TRPM1: variants seen among roughly 807,000 people sequenced by gnomAD.
The protein encoded by TRPM1 is TRPM1-203 APA Isoform, Intron 10.
In TRPM1, 113 loss-of-function variants were observed where a neutral mutation model predicts 149.4. The ratio of observed to expected loss-of-function variants is 0.76; its 90% CI spans 0.65 to 0.88. The LOEUF (loss-of-function observed/expected upper bound fraction) is 0.88, where lower values mean the gene tolerates loss of function less well. Among genes scored for constraint, TRPM1 ranks in the 40% least tolerant of loss-of-function variants. TRPM1 has a pLI of 0.00. For missense variants in TRPM1, 1,976 were observed against 2,038.7 expected (o/e 0.97, Z 0.59); for synonymous variants, 741 against 759.5 (o/e 0.98, Z 0.40).
At chr15:31,055,990 G>A (rs2034073603) in intron 11 of TRPM1, among the ~76,000 whole-genome samples, 1 of 152,206 alleles carries the variant, frequency 6.6e-6, no homozygotes. Flanking sequence ...TATTGCATCT[G>A]TGAGATGAAA....
chr15:31,088,320 C>G (rs141917074), intron 1 of TRPM1, among the ~76,000 whole-genome samples: 1 of 152,214 alleles, frequency 6.6e-6, no homozygotes, highest in Non-Finnish European at 1.5e-5. Flanking sequence ...CCTGGCAATC[C>G]GCTCGGGTCT....
At chr15:31,065,230 G>A (rs2034338258) in intron 7 of TRPM1, 1 of 466,372 alleles carries the variant, frequency 2.1e-6, no homozygotes, top group Non-Finnish European at 4.4e-6. Context: ...TATTCTTCGA[G>A]ATCTGATTCT....
intron 27 of TRPM1, among the ~76,000 whole-genome samples, chr15:31,004,135 A>T (rs2031891159): frequency 6.6e-6 from 1 of 152,092 alleles, no homozygotes; most frequent in African/African-American, 2.4e-5. Flanking sequence ...TGATTCCATT[A>T]TTCTTTTATT....
At chr15:31,113,532 TTTTC>T (rs1344159536) in intron 1 of TRPM1, among the ~76,000 whole-genome samples, 1 of 151,680 alleles carries the variant, frequency 6.6e-6, no homozygotes, top group African/African-American at 2.4e-5. Context: ...CAAAAAACAT[TTTTC>T]TTTGTACTCC....
intron 1 of TRPM1, among the ~76,000 whole-genome samples, chr15:31,093,717 T>C (rs2035303430): frequency 6.6e-6 from 1 of 152,006 alleles, no homozygotes; most frequent in South Asian, 2.1e-4. Flanking sequence ...TTCTTGTGCC[T>C]CAGCCTCTGG....
At chr15:31,140,059 A>T (rs987509919) in intron 1 of TRPM1, among the ~76,000 whole-genome samples, 3 of 152,040 alleles carry the variant, frequency 2.0e-5, no homozygotes, top group African/African-American at 7.2e-5. Flanking sequence ...TTGGCCCTCT[A>T]AACCTCATGT....
chr15:31,077,930 T>C (rs1174625954), intron 2 of TRPM1, among the ~76,000 whole-genome samples: 1 of 151,974 alleles, frequency 6.6e-6, no homozygotes, highest in African/African-American at 2.4e-5. Flanking sequence ...GTGTGTTGTG[T>C]GCATGACTAT....
At chr15:31,133,860 G>A (rs2036053507) in intron 1 of TRPM1, among the ~76,000 whole-genome samples, 1 of 152,180 alleles carries the variant, frequency 6.6e-6, no homozygotes, top group Admixed American at 6.6e-5. Context: ...GCCCTCTGGA[G>A]CTTTTCCTCA....
rs749958791 is a variant in TRPM1 at position 31,029,360 on chromosome 15, T to C, written c.3148+11A>G. On this transcript the variant is annotated intron_variant, in intron 24 of 27. Transcript: ENST00000256552. ...CCATAGACTAGAATAATCAATTCCA[T>C]GTAAACTTACGATTAATTTCCATGG... 1.9e-6 allele frequency: 3 copies of C among 1,613,446 alleles called. No individual in the cohort carries two copies. Among genetic ancestry groups the C allele is most frequent in the Admixed American group, 3.3e-5 (2 of 60,014 alleles).
At chr15:31,066,952 G>C in intron 6 of TRPM1, 111 bp downstream of exon 6, 1 of 1,410,998 alleles carries the variant, frequency 7.1e-7, no homozygotes, top group Admixed American at 1.8e-5. Context: ...AATGGGAAAG[G>C]CTGCAAGGGA....
At position 31,040,153 on chromosome 15, in the gene TRPM1, C is replaced by G. The variant is rs1567011933; in HGVS notation, c.2281G>C (p.Gly761Arg). Residue 761 changes from glycine (G) to arginine (R), a missense_variant, in exon 18 of 28, where the codon GGA (glycine) becomes CGA (arginine). Coordinates refer to ENST00000256552, the MANE Select transcript of TRPM1 (RefSeq NM_001252024.2). This position sits in a 1 kb window ranked among gnomAD's most constrained non-coding sequence, Gnocchi z 4.2. Reference protein sequence around the residue: ...SQMLLTDMWMGRLRMRKNPGL... With the variant: ...SQMLLTDMWMRRLRMRKNPGL... Reference sequence around the variant, plus strand: ...GGGTTCTTCCGCATCCGCAGTCTTCCCATCCACATATCGGTCAGCAGCATC... The same window carrying G: ...GGGTTCTTCCGCATCCGCAGTCTTCGCATCCACATATCGGTCAGCAGCATC... 9 of 1,614,240 alleles carry G rather than the reference C, an allele frequency of 5.6e-6. No homozygotes were observed. Among genetic ancestry groups the G allele is most frequent in the Non-Finnish European group, 7.6e-6 (9 of 1,180,040 alleles).
intron 19 of TRPM1, 101 bp from the exon 20 acceptor site, chr15:31,037,943 A>C (rs768068765): frequency 6.2e-7 from 1 of 1,611,740 alleles, no homozygotes; most frequent in Non-Finnish European, 8.5e-7. Context: ...TTCCAAAAAT[A>C]CCTTTAACCA....
At chr15:31,050,964 G>A (rs753641650) in intron 11 of TRPM1, among the ~76,000 whole-genome samples, 2 of 152,206 alleles carry the variant, frequency 1.3e-5, no homozygotes, top group Non-Finnish European at 2.9e-5. Context: ...AGAGTTCAAA[G>A]GCACCAAAGA....
chr15:31,089,320 GGTT>G (rs144796624), intron 1 of TRPM1, among the ~76,000 whole-genome samples: 14,503 of 150,206 alleles, frequency 0.097, 798 homozygotes, highest in Non-Finnish European at 0.12. Context: ...ATGTTTTTTT[GGTT>G]GTTAACTTTT....
At chr15:31,069,528 C>CGTAT in intron 4 of TRPM1, 1 of 1,138,942 alleles carries the variant, frequency 8.8e-7, no homozygotes, top group Admixed American at 4.3e-5. Context: ...GAAGCCTCCC[C>CGTAT]CACGCTGGCA....
intron 1 of TRPM1, among the ~76,000 whole-genome samples, chr15:31,151,953 C>A (rs2036309047): frequency 6.6e-6 from 1 of 152,208 alleles, no homozygotes. Flanking sequence ...AACAAGGAAT[C>A]CAAGAGAACG....
At chr15:31,111,133 C>A (rs1230549766) in intron 1 of TRPM1, among the ~76,000 whole-genome samples, 1 of 152,100 alleles carries the variant, frequency 6.6e-6, no homozygotes, top group Non-Finnish European at 1.5e-5. Context: ...TAGCTGTAAA[C>A]CTGGTTGGTC....
chr15:31,158,937 G>C (rs981270728), intron 1 of TRPM1, among the ~76,000 whole-genome samples: 1 of 152,032 alleles, frequency 6.6e-6, no homozygotes, highest in African/African-American at 2.4e-5. Context: ...TTAATTTGTT[G>C]CCATAACTGT....
At position 31,072,822 on chromosome 15, in the gene TRPM1, G is replaced by A. The variant is rs181388511; in HGVS notation, c.84-2596C>T. The stretch of plus-strand genomic sequence containing the variant: ...ATTGACTATTTGTGTATCTTCTTTG[G>A]AAAGATGTCTATTCATTTCCTTTGC... On this transcript the variant is annotated intron_variant, in intron 3 of 27. Transcript: ENST00000256552. Among the ~76,000 whole-genome samples, 11 of 152,126 alleles carry A rather than the reference G, an allele frequency of 7.2e-5. No individual in the cohort carries two copies. The East Asian group carries it at 9.6e-4, about 13-fold the overall frequency.
Sources: gnomAD v4.1 joint callset for allele counts (sites outside exome capture counted in the v4.1 genomes callset) on GRCh38, gnomAD v4.1.1 for gene constraint, Gnocchi (gnomAD v3.1) non-coding constraint, MANE v1.5 for transcripts, NCBI Gene and HGNC (gene_info 2026-07-23, HGNC 2026-07-21) for gene names.